The following SGK3 variants were observed in gnomAD, a reference collection of about 807,000 sequenced individuals.
The protein encoded by SGK3 is serum/glucocorticoid regulated kinase family member 3.
In SGK3, 47 loss-of-function variants were observed where a neutral mutation model predicts 68.5. The ratio of observed to expected loss-of-function variants is 0.69; its 90% CI spans 0.54 to 0.87. The LOEUF (loss-of-function observed/expected upper bound fraction) is 0.87. Among genes scored for constraint, SGK3 ranks in the 40% least tolerant of loss-of-function variants. The pLI, the probability that SGK3 is intolerant of heterozygous loss-of-function variation, is 0.00. For synonymous variants in SGK3, 181 were observed against 189.1 expected (o/e 0.96, Z 0.35); for missense variants, 479 against 575.5 (o/e 0.83, Z 1.72).
intron 1 of SGK3, among the ~76,000 whole-genome samples, chr8:66,735,125 A>G (rs1274551410): frequency 6.6e-6 from 1 of 152,220 alleles, no homozygotes; most frequent in Non-Finnish European, 1.5e-5. Context: ...ATATATAGGA[A>G]AAAACATAGT....
intron 14 of SGK3, among the ~76,000 whole-genome samples, chr8:66,845,329 G>A (rs558545454): frequency 5.5e-4 from 84 of 152,164 alleles, no homozygotes; most frequent in Non-Finnish European, 8.5e-4. Context: ...AACCTGGGAG[G>A]CGGAGGTTAC....
chr8:66,805,247 C>T (rs1216246183), intron 4 of SGK3, among the ~76,000 whole-genome samples: 5 of 151,930 alleles, frequency 3.3e-5, no homozygotes, highest in East Asian at 1.9e-4. Flanking sequence ...AAGCCGGGCA[C>T]GGTGGCTCAC....
chr8:66,718,061 T>A, intron 1 of SGK3, among the ~76,000 whole-genome samples: 1 of 151,146 alleles, frequency 6.6e-6, no homozygotes, highest in East Asian at 1.9e-4. Context: ...AGTCTCAGTC[T>A]GTCACCCAGG....
intron 6 of SGK3, among the ~76,000 whole-genome samples, chr8:66,826,612 A>T (rs1014032246): frequency 1.4e-4 from 21 of 150,958 alleles, no homozygotes; most frequent in African/African-American, 5.2e-4. Flanking sequence ...ACTGGTGCCA[A>T]TGTTGTTTTT....
chr8:66,760,330 C>CTTTTTTTTTTTT (rs201559163), intron 1 of SGK3, among the ~76,000 whole-genome samples: 131 of 115,626 alleles, frequency 1.1e-3, no homozygotes, highest in Non-Finnish European at 1.7e-3. Context: ...TTTCTTTTTT[C>CTTTTTTTTTTTT]TTTTTTTTTT....
rs563197670 is a variant in SGK3 at position 66,749,243 on chromosome 8, G to T, written c.-122+36410G>T. Among the ~76,000 whole-genome samples, 250 of 152,198 alleles carry T rather than the reference G, an allele frequency of 1.6e-3. 6 individuals are homozygous for T. The South Asian group carries it at 0.05, about 30-fold the overall frequency. Reference sequence around the variant, plus strand: ...GAAAAGTTATTTTTGGCTGGGTGCGGTGGCTCACACCTGTAATCCCAGCAC... The same window carrying T: ...GAAAAGTTATTTTTGGCTGGGTGCGTTGGCTCACACCTGTAATCCCAGCAC... On this transcript the variant is annotated intron_variant, in intron 1 of 16. Coordinates refer to ENST00000521198, the MANE Select transcript of SGK3 (RefSeq NM_001033578.3).
intron 4 of SGK3, among the ~76,000 whole-genome samples, chr8:66,805,974 A>G (rs1053057971): frequency 2.6e-5 from 4 of 152,190 alleles, no homozygotes; most frequent in East Asian, 3.8e-4. Context: ...TGTGTCCTAT[A>G]TAATTCTGCC....
chr8:66,820,644 T>A (rs533431247), intron 5 of SGK3, among the ~76,000 whole-genome samples: 1 of 152,346 alleles, frequency 6.6e-6, no homozygotes, highest in South Asian at 2.1e-4. Flanking sequence ...TTTTCCACAG[T>A]GGCTGTACCA....
chr8:66,842,523 G>A (rs1809839582), intron 13 of SGK3, among the ~76,000 whole-genome samples: 1 of 152,050 alleles, frequency 6.6e-6, no homozygotes, highest in Non-Finnish European at 1.5e-5. Context: ...AGCTTAAGAG[G>A]AAATTATTTT....
chr8:66,753,466 G>A (rs578240715), intron 1 of SGK3, among the ~76,000 whole-genome samples: 82 of 152,342 alleles, frequency 5.4e-4, no homozygotes, highest in Non-Finnish European at 9.1e-4. Flanking sequence ...GAAGATACTC[G>A]TAAATTGCTG....
intron 5 of SGK3, among the ~76,000 whole-genome samples, chr8:66,819,849 G>A (rs1808739006): frequency 1.4e-5 from 2 of 146,052 alleles, no homozygotes; most frequent in Admixed American, 1.4e-4. Context: ...ACAGAGTTTT[G>A]CTCTGTCACC....
intron 1 of SGK3, among the ~76,000 whole-genome samples, chr8:66,777,607 C>G (rs951664871): frequency 6.6e-6 from 1 of 152,152 alleles, no homozygotes; most frequent in Admixed American, 6.5e-5. Context: ...TGTTGCAAAC[C>G]TGCCTCTCCT....
chr8:66,850,969 C>T, intron 16 of SGK3, 49 bp downstream of exon 16: 1 of 1,525,042 alleles, frequency 6.6e-7, no homozygotes, highest in South Asian at 1.2e-5. Flanking sequence ...AACTTAATAG[C>T]AGTTCATTGT....
At chr8:66,843,311 A>G in intron 13 of SGK3, 141 bp from the exon 14 acceptor site, 1 of 696,220 alleles carries the variant, frequency 1.4e-6, no homozygotes, top group Non-Finnish European at 2.4e-6. Flanking sequence ...GTAGAATGAG[A>G]ATATCCAACC....
At chr8:66,851,296 T>G (rs1810272588) in intron 16 of SGK3, among the ~76,000 whole-genome samples, 1 of 152,064 alleles carries the variant, frequency 6.6e-6, no homozygotes, top group African/African-American at 2.4e-5. Flanking sequence ...GGTGGATCAC[T>G]TGAGGCCAGG....
intron 14 of SGK3, among the ~76,000 whole-genome samples, chr8:66,845,005 G>T (rs1165018057): frequency 6.6e-6 from 1 of 152,130 alleles, no homozygotes; most frequent in Non-Finnish European, 1.5e-5. Context: ...TTTATTTAGA[G>T]GACTTTGAAA....
chr8:66,853,643 A>G (rs1284710845), intron 16 of SGK3, among the ~76,000 whole-genome samples: 1 of 152,214 alleles, frequency 6.6e-6, no homozygotes, highest in African/African-American at 2.4e-5. Context: ...GTCTACATTA[A>G]AAAAGGACTG....
At chr8:66,775,025 C>G (rs1301333797) in intron 1 of SGK3, among the ~76,000 whole-genome samples, 1 of 152,250 alleles carries the variant, frequency 6.6e-6, no homozygotes, top group Admixed American at 6.5e-5. Context: ...CCCGCCTTTC[C>G]TCCCCCGCTT....
At chr8:66,765,894 G>A (rs1042168077) in intron 1 of SGK3, among the ~76,000 whole-genome samples, 4 of 151,742 alleles carry the variant, frequency 2.6e-5, no homozygotes, top group African/African-American at 4.8e-5. Context: ...GCGCCATGGC[G>A]GGCACCTGTA....
Sources: gnomAD v4.1 joint callset for allele counts (sites outside exome capture counted in the v4.1 genomes callset) on GRCh38, gnomAD v4.1.1 for gene constraint, MANE v1.5 for transcripts, NCBI Gene and HGNC (gene_info 2026-07-23, HGNC 2026-07-21) for gene names.